TLK2: variants seen among roughly 807,000 people sequenced by gnomAD.
TLK2 encodes the protein serine/threonine-protein kinase tousled-like 2.
Under a neutral mutation model 117.3 loss-of-function variants are expected in TLK2, and 6 were observed. The observed-to-expected ratio is 0.05, with a 90% CI of 0.03 to 0.10. The LOEUF (loss-of-function observed/expected upper bound fraction) is 0.10. Ranked by LOEUF, TLK2 falls within the 10% of genes least tolerant of loss-of-function variation. The probability of loss-of-function intolerance (pLI) is 1.00; values close to 1 mark genes in which losing one functional copy is unlikely to be tolerated. For missense variants in TLK2, 299 were observed against 901.2 expected (o/e 0.33, Z 8.56); for synonymous variants, 257 against 316.7 (o/e 0.81, Z 2.00).
intron 1 of TLK2, among the ~76,000 whole-genome samples, chr17:62,479,930 C>T (rs1168850006): frequency 6.6e-6 from 1 of 152,238 alleles, no homozygotes; most frequent in Non-Finnish European, 1.5e-5. Context: ...ACGGGGGAAA[C>T]TCATTCTCCC....
At chr17:62,564,022 A>T (rs929529966) in intron 10 of TLK2, among the ~76,000 whole-genome samples, 1 of 152,188 alleles carries the variant, frequency 6.6e-6, no homozygotes, top group African/African-American at 2.4e-5. Context: ...AAAATATTAG[A>T]TAGAGAAGAA....
chr17:62,607,639 C>T (rs1405560022), intron 20 of TLK2, among the ~76,000 whole-genome samples: 3 of 152,136 alleles, frequency 2.0e-5, no homozygotes, highest in Non-Finnish European at 2.9e-5. Context: ...GACTTCCTTT[C>T]CTTCTCTTTT....
intron 11 of TLK2, among the ~76,000 whole-genome samples, chr17:62,569,585 A>G (rs1298112143): frequency 6.6e-6 from 1 of 151,170 alleles, no homozygotes; most frequent in Non-Finnish European, 1.5e-5. Flanking sequence ...ACAGGCACAC[A>G]CCACCACTCC....
chr17:62,600,612 T>A (rs1330167699), intron 17 of TLK2, 39 bp from the exon 18 acceptor site: 1 of 1,552,566 alleles, frequency 6.4e-7, no homozygotes, highest in East Asian at 2.3e-5. Flanking sequence ...ATCTGCTTGC[T>A]CTTATTCCAT....
intron 2 of TLK2, among the ~76,000 whole-genome samples, chr17:62,511,735 A>G (rs2075159567): frequency 6.6e-6 from 1 of 152,236 alleles, no homozygotes; most frequent in African/African-American, 2.4e-5. Context: ...GATTTTGCAT[A>G]TATAAATAGG....
chr17:62,514,859 G>A (rs2075444022), intron 2 of TLK2, among the ~76,000 whole-genome samples: 1 of 152,158 alleles, frequency 6.6e-6, no homozygotes, highest in Non-Finnish European at 1.5e-5. Flanking sequence ...GCTTACAGGC[G>A]TGAGCCACCG....
intron 16 of TLK2, among the ~76,000 whole-genome samples, chr17:62,590,573 C>T (rs1028524511): frequency 1.3e-5 from 2 of 152,166 alleles, no homozygotes; most frequent in African/African-American, 2.4e-5. Flanking sequence ...GCAGAAGCTC[C>T]GTGTAGGAGA....
chr17:62,540,400 ATTTTTTTT>A (rs534202077), intron 7 of TLK2, among the ~76,000 whole-genome samples: 4,889 of 20,144 alleles, frequency 0.24, 649 homozygotes, highest in African/African-American at 0.34. Context: ...TATGTTCAGA[ATTTTTTTT>A]TTTTTTTTTT....
chr17:62,553,596 A>T, intron 8 of TLK2, 67 bp from the exon 9 acceptor site: 1 of 1,090,868 alleles, frequency 9.2e-7, no homozygotes, highest in South Asian at 1.3e-5. Flanking sequence ...AAAGGTAATG[A>T]GAAGAGTGTG....
At chr17:62,495,792 C>T (rs12941181) in intron 2 of TLK2, among the ~76,000 whole-genome samples, 2 of 151,200 alleles carry the variant, frequency 1.3e-5, no homozygotes, top group Non-Finnish European at 2.9e-5. Context: ...CCGAGTAGCT[C>T]GGATTATGGG....
At chr17:62,583,318 C>G (rs1216040309) in intron 15 of TLK2, among the ~76,000 whole-genome samples, 1 of 152,080 alleles carries the variant, frequency 6.6e-6, no homozygotes, top group African/African-American at 2.4e-5. Context: ...TAGTCTCGAA[C>G]TCCTGACCTC....
intron 2 of TLK2, among the ~76,000 whole-genome samples, chr17:62,496,354 A>C (rs569730350): frequency 1.3e-5 from 2 of 152,296 alleles, no homozygotes; most frequent in Admixed American, 6.5e-5. Context: ...GTTGATATAA[A>C]TAGTGCTATA....
At chr17:62,547,605 T>G (rs148411519) in intron 7 of TLK2, among the ~76,000 whole-genome samples, 1 of 152,224 alleles carries the variant, frequency 6.6e-6, no homozygotes, top group Non-Finnish European at 1.5e-5. Flanking sequence ...ACGTCCTCAG[T>G]TAACTTTTGC....
At position 62,536,279 on chromosome 17, in the gene TLK2, G is replaced by A. The variant is rs764837849; in HGVS notation, c.473G>A (p.Arg158Gln). 6 of 1,613,440 alleles carry A rather than the reference G, an allele frequency of 3.7e-6. No homozygotes were observed. Among genetic ancestry groups the A allele is most frequent in the African/African-American group, 2.7e-5 (2 of 74,898 alleles). The change falls in exon 7 of 22, where the codon CGG becomes CAG. Residue 158 changes from arginine (R) to glutamine (Q), a missense_variant. Around this residue, in one of 4 missense-constraint regions of TLK2, gnomAD observed 105 missense variants for 218.4 expected, o/e 0.48. Transcript: ENST00000346027. Reference sequence around the variant, plus strand: ...ATGTCAGTGATGCTAGCAAAACCTCGGCTTGACACAGAGCAGCTGGCGCAA... The same window carrying A: ...ATGTCAGTGATGCTAGCAAAACCTCAGCTTGACACAGAGCAGCTGGCGCAA... ...TLMSVMLAKP[R>Q]LDTEQLAQRG...
intron 2 of TLK2, among the ~76,000 whole-genome samples, chr17:62,498,345 A>G (rs2073889219): frequency 6.6e-6 from 1 of 151,732 alleles, no homozygotes; most frequent in African/African-American, 2.4e-5. Flanking sequence ...AAGTTAAAAG[A>G]TTTAGTTAAC....
intron 12 of TLK2, 93 bp from the exon 13 acceptor site, chr17:62,576,616 G>T: frequency 2.1e-6 from 2 of 966,842 alleles, no homozygotes; most frequent in South Asian, 2.7e-5. Flanking sequence ...GACTGAAACT[G>T]AATATGTCTT....
intron 7 of TLK2, among the ~76,000 whole-genome samples, chr17:62,545,549 G>A (rs991606296): frequency 3.3e-5 from 5 of 151,970 alleles, no homozygotes; most frequent in Non-Finnish European, 5.9e-5. Context: ...CCCAGGAGAC[G>A]GAGGTTGCAG....
intron 2 of TLK2, among the ~76,000 whole-genome samples, chr17:62,491,268 A>G (rs945493146): frequency 1.3e-5 from 2 of 152,150 alleles, no homozygotes; most frequent in African/African-American, 4.8e-5. Context: ...CTTGGCCTTT[A>G]AAGTCATTTA....
At chr17:62,565,276 GA>G (rs1255828899) in intron 11 of TLK2, 139 bp downstream of exon 11, 1 of 1,076,480 alleles carries the variant, frequency 9.3e-7, no homozygotes. Flanking sequence ...CATGTGGAAA[GA>G]AATGTATCGA....
Sources: gnomAD v4.1 joint callset for allele counts (sites outside exome capture counted in the v4.1 genomes callset) on GRCh38, gnomAD v4.1.1 for gene constraint, gnomAD v4.1.1 regional missense constraint, MANE v1.5 for transcripts, NCBI Gene and HGNC (gene_info 2026-07-23, HGNC 2026-07-21) for gene names.